Variants in COL5A2 observed in about 807,000 individuals in gnomAD.
COL5A2 encodes collagen alpha-2(V) chain.
Under a neutral mutation model 208.2 loss-of-function variants are expected in COL5A2, and 23 were observed. That is an observed-to-expected ratio of 0.11 (90% CI 0.08 to 0.16). The LOEUF (loss-of-function observed/expected upper bound fraction) is 0.16. COL5A2 is among the 10% of genes least tolerant of loss of function. The probability of loss-of-function intolerance (pLI) is 1.00; values close to 1 mark genes in which losing one functional copy is unlikely to be tolerated. For synonymous variants in COL5A2, 625 were observed against 628.5 expected, an observed-to-expected ratio of 0.99 and a Z score of 0.08; for missense variants, 1,590 against 1,956.4, an observed-to-expected ratio of 0.81 and a Z score of 3.53.
intron 1 of COL5A2, among the ~76,000 whole-genome samples, chr2:189,195,232 A>G (rs1688985068): frequency 6.6e-6 from 1 of 152,182 alleles, no homozygotes. Flanking sequence ...ACAAACAATA[A>G]AATACCTAGG....
At chr2:189,393,575 G>T in the COL5A2 span, among the ~76,000 whole-genome samples, 2 of 152,142 alleles carry the variant, frequency 1.3e-5, no homozygotes, top group Non-Finnish European at 2.9e-5. Flanking sequence ...AATGAGATGG[G>T]TTTGTGGTTT....
At chr2:189,378,710 C>T in the COL5A2 span, among the ~76,000 whole-genome samples, 1 of 142,330 alleles carries the variant, frequency 7.0e-6, no homozygotes. Context: ...GGCGACAGTG[C>T]GAGACTCCGT....
chr2:189,182,196 A>AT (rs1688790371), upstream of COL5A2, among the ~76,000 whole-genome samples: 1 of 152,168 alleles, frequency 6.6e-6, no homozygotes, highest in Non-Finnish European at 1.5e-5. Context: ...TAAAGAACTG[A>AT]TTATAGACCT....
At chr2:189,432,612 A>G in the COL5A2 span, among the ~76,000 whole-genome samples, 1 of 152,228 alleles carries the variant, frequency 6.6e-6, no homozygotes, top group African/African-American at 2.4e-5. Context: ...AAAGGGATCA[A>G]ATCAACAAGA....
At chr2:189,366,073 T>A in the COL5A2 span, among the ~76,000 whole-genome samples, 7 of 152,214 alleles carry the variant, frequency 4.6e-5, no homozygotes, top group Non-Finnish European at 8.8e-5. Context: ...TACATGAGTG[T>A]ACCCTGTGGA....
At chr2:189,345,097 A>G in the COL5A2 span, among the ~76,000 whole-genome samples, 1 of 152,228 alleles carries the variant, frequency 6.6e-6, no homozygotes, top group Non-Finnish European at 1.5e-5. Context: ...GAGGTCAGTT[A>G]GTCAATCACG....
At chr2:189,383,235 G>C in the COL5A2 span, among the ~76,000 whole-genome samples, 2 of 152,162 alleles carry the variant, frequency 1.3e-5, no homozygotes, top group Non-Finnish European at 2.9e-5. Context: ...AGATGACGGT[G>C]CCAGATGCAT....
At position 189,052,969 on chromosome 2, in the gene COL5A2, T is replaced by A; in HGVS notation, c.2603A>T (p.Gln868Leu). The A allele has an allele frequency of 6.2e-7, 1 of 1,614,208 alleles. No individual in the cohort carries two copies. Reference protein sequence around the residue: ...GVKGEPGEPGQKGDAGSPGPQ... With the variant: ...GVKGEPGEPGLKGDAGSPGPQ... ...TCCAGGAGAACCAGCATCTCCCTTC[T>A]GTCCTGGCTCTCCAGGTTCACCTTT... The change falls in exon 39 of 54, where the codon CAG becomes CTG. Residue 868 changes from glutamine to leucine, a missense_variant. By Grantham distance (113) the Gln-to-Leu change is moderately radical. Transcript: ENST00000374866.
chr2:189,055,695 G>A (rs1007342712), intron 35 of COL5A2, among the ~76,000 whole-genome samples: 4 of 152,176 alleles, frequency 2.6e-5, no homozygotes, highest in African/African-American at 7.2e-5. Context: ...CCTACTATGA[G>A]ATTGCAGTAA....
the COL5A2 span, among the ~76,000 whole-genome samples, chr2:189,230,640 CT>C: frequency 2.6e-5 from 4 of 151,718 alleles, no homozygotes; most frequent in Admixed American, 1.3e-4. Context: ...GAAATACCAC[CT>C]CATAAGATGC....
intron 1 of COL5A2, among the ~76,000 whole-genome samples, chr2:189,139,918 C>T (rs1195942022): frequency 1.3e-5 from 2 of 151,728 alleles, no homozygotes; most frequent in African/African-American, 4.8e-5. Context: ...ACTAAAAATA[C>T]AAAAATTAGC....
At chr2:189,436,390 G>C in the COL5A2 span, among the ~76,000 whole-genome samples, 4 of 152,050 alleles carry the variant, frequency 2.6e-5, no homozygotes, top group Non-Finnish European at 5.9e-5. Context: ...TGGGGGGAGC[G>C]GGGAGGTATA....
the COL5A2 span, among the ~76,000 whole-genome samples, chr2:189,329,551 T>C: frequency 6.6e-6 from 1 of 152,296 alleles, no homozygotes; most frequent in Admixed American, 6.5e-5. Context: ...CATTTTATAA[T>C]GCATACATAT....
the COL5A2 span, among the ~76,000 whole-genome samples, chr2:189,307,343 A>C: frequency 6.6e-6 from 1 of 152,140 alleles, no homozygotes; most frequent in Non-Finnish European, 1.5e-5. Flanking sequence ...ACCTATATAT[A>C]AATTATACAT....
intron 1 of COL5A2, among the ~76,000 whole-genome samples, chr2:189,135,947 T>C (rs1687818973): frequency 6.6e-6 from 1 of 152,222 alleles, no homozygotes; most frequent in Non-Finnish European, 1.5e-5. Context: ...GAGAGTGTTA[T>C]TGCAGGTGTA....
the COL5A2 span, among the ~76,000 whole-genome samples, chr2:189,362,564 CCTGA>C: frequency 1.9e-4 from 29 of 152,130 alleles, no homozygotes; most frequent in African/African-American, 6.0e-4. Context: ...CCAATTGCAC[CCTGA>C]CTGCCAGAAT....
At chr2:189,414,673 C>T in the COL5A2 span, among the ~76,000 whole-genome samples, 20 of 149,934 alleles carry the variant, frequency 1.3e-4, no homozygotes, top group African/African-American at 4.7e-4. Flanking sequence ...GGCTTGAGCC[C>T]GGGAGACAGA....
In COL5A2 at chr2:189,193,239, T is replaced by C. The variant is rs576096485; in HGVS notation, c.-42+31909A>G. Among the ~76,000 whole-genome samples the C allele has an allele frequency of 1.1e-4, 17 of 152,340 alleles. No homozygotes were observed. The South Asian group carries it at 2.7e-3, about 24-fold the overall frequency. On this transcript the variant is annotated intron_variant, in intron 1 of 10. Transcript: ENST00000649966. ...GCTTGGTTTGACTTGGTTTTCAAAC[T>C]GCCTAAACTCAGAAAGATTTTCCAA... is the stretch of plus-strand genomic sequence containing the variant.
At chr2:189,226,725 A>G (rs1174526829), upstream of COL5A2, among the ~76,000 whole-genome samples, 2 of 152,092 alleles carry the variant, frequency 1.3e-5, no homozygotes, top group Non-Finnish European at 2.9e-5. Context: ...TATCGCAGAC[A>G]GAGGCCTCCC....
Sources: allele counts gnomAD v4.1 joint callset (sites outside exome capture counted in the v4.1 genomes callset), GRCh38; gene constraint gnomAD v4.1.1; transcripts MANE v1.5; gene names NCBI Gene and HGNC (gene_info 2026-07-23, HGNC 2026-07-21).